CAMTA1: variants seen among roughly 807,000 people sequenced by gnomAD.
CAMTA1 encodes the protein calmodulin-binding transcription activator 1.
In CAMTA1, 27 loss-of-function variants were observed where a neutral mutation model predicts 170.9. That is an observed-to-expected ratio of 0.16 (90% CI 0.12 to 0.22). CAMTA1 has a LOEUF of 0.22. Ranked by LOEUF, CAMTA1 falls within the 10% of genes least tolerant of loss-of-function variation. CAMTA1 has a pLI of 1.00. For missense variants in CAMTA1, 1,619 were observed against 2,217.2 expected (o/e 0.73, Z 5.42); for synonymous variants, 833 against 891.5 (o/e 0.93, Z 1.17).
chr1:6,791,386 G>T (rs934064369), intron 1 of CAMTA1, among the ~76,000 whole-genome samples: 1 of 152,108 alleles, frequency 6.6e-6, no homozygotes, highest in African/African-American at 2.4e-5. Context: ...CCAGAAGGCC[G>T]CTGGTAATAG....
At position 6,995,453 on chromosome 1, in the gene CAMTA1, G is replaced by A. The variant is rs557965756; in HGVS notation, c.235-95851G>A. On this transcript the variant is annotated intron_variant, in intron 3 of 22. Coordinates refer to ENST00000303635, the MANE Select transcript of CAMTA1 (RefSeq NM_015215.4). ...CCAGTAACTGAGACTACAGACCTGC[G>A]CCACCACGCCCAGCTAATTTTTGTA... 4.4e-4 allele frequency among the ~76,000 whole-genome samples: 66 copies of A among 151,608 alleles called. No homozygotes were observed. In the South Asian group the frequency reaches 0.012, roughly 28 times the overall value.
Position 7,594,815 on chromosome 1 carries a change from G to A in CAMTA1, c.511-45585G>A, listed in dbSNP as rs372030482. Among the ~76,000 whole-genome samples, 12 of 152,356 alleles carry A rather than the reference G, an allele frequency of 7.9e-5. No individual in the cohort carries two copies. In the South Asian group the frequency reaches 2.5e-3, roughly 32 times the overall value. ...GAAGGTTCTTGTCCTCAGAAAGGGAGGCCCAGCGGGGAACAGGCGGGATGA... is the reference window on the plus strand; with the variant it reads ...GAAGGTTCTTGTCCTCAGAAAGGGAAGCCCAGCGGGGAACAGGCGGGATGA... On this transcript the variant is annotated intron_variant, in intron 6 of 22. Coordinates refer to ENST00000303635, the MANE Select transcript of CAMTA1 (RefSeq NM_015215.4).
intron 6 of CAMTA1, among the ~76,000 whole-genome samples, chr1:7,610,685 G>T (rs1485119257): frequency 1.3e-5 from 2 of 152,226 alleles, no homozygotes; most frequent in African/African-American, 4.8e-5. Flanking sequence ...AAGACCAGAA[G>T]TGGCCTCTGC....
chr1:7,466,178 C>T (rs567544064), intron 5 of CAMTA1, among the ~76,000 whole-genome samples: 4 of 152,300 alleles, frequency 2.6e-5, no homozygotes, highest in Non-Finnish European at 5.9e-5. Flanking sequence ...GCGTCTCCTT[C>T]GGCAAGGAGT....
chr1:7,496,425 C>T (rs535563901), intron 6 of CAMTA1, among the ~76,000 whole-genome samples: 353 of 152,210 alleles, frequency 2.3e-3, no homozygotes, highest in African/African-American at 8.2e-3. Flanking sequence ...GGGCAAGTCC[C>T]GTGTGCACTG....
At chr1:7,436,328 T>C (rs938548411) in intron 5 of CAMTA1, among the ~76,000 whole-genome samples, 1 of 152,132 alleles carries the variant, frequency 6.6e-6, no homozygotes, top group Non-Finnish European at 1.5e-5. Context: ...CATGGGATTG[T>C]TCAGGATTGT....
At chr1:7,631,144 G>A (rs1220677699) in intron 6 of CAMTA1, among the ~76,000 whole-genome samples, 2 of 152,106 alleles carry the variant, frequency 1.3e-5, no homozygotes, top group Non-Finnish European at 2.9e-5. Flanking sequence ...CTGCAGCCTC[G>A]GTCCTGCCCT....
At chr1:7,597,904 G>A (rs915471799) in intron 6 of CAMTA1, among the ~76,000 whole-genome samples, 1 of 150,944 alleles carries the variant, frequency 6.6e-6, no homozygotes, top group Non-Finnish European at 1.5e-5. Flanking sequence ...CATATGCCGT[G>A]GTGGTTTGCT....
At chr1:7,316,987 C>T (rs576684265) in intron 5 of CAMTA1, among the ~76,000 whole-genome samples, 6 of 152,306 alleles carry the variant, frequency 3.9e-5, no homozygotes, top group East Asian at 1.9e-4. Context: ...AAGCAAATTC[C>T]GTCCTGTCTG....
intron 11 of CAMTA1, among the ~76,000 whole-genome samples, chr1:7,728,225 G>C (rs147865741): frequency 6.6e-6 from 1 of 152,340 alleles, no homozygotes; most frequent in Non-Finnish European, 1.5e-5. Context: ...GGGTGACGCC[G>C]TGGGCAGGGC....
Position 7,766,885 on chromosome 1 carries a change from A to G in CAMTA1, c.*394A>G, listed in dbSNP as rs2097027803. 6.0e-6 allele frequency: 1 copy of G among 166,822 alleles called. No homozygotes were observed. The allele number at this position is 166,822 out of a possible 1,614,324, so 10.3% of individuals were successfully genotyped here. On this transcript the variant is annotated 3_prime_UTR_variant, in exon 23 of 23. Transcript: ENST00000303635. ...GTACAAATATTTATACCAAAAATAT[A>G]GATAAGAAAAGGTGGGGCTATACTA...
At chr1:6,789,804 C>CTTTTTTTTT (rs34542033) in intron 1 of CAMTA1, among the ~76,000 whole-genome samples, 2 of 85,658 alleles carry the variant, frequency 2.3e-5, no homozygotes, top group Non-Finnish European at 4.3e-5. Flanking sequence ...TTTAGTGTAT[C>CTTTTTTTTT]TTTTTTTTTT....
chr1:7,109,603 C>T (rs1016112712), intron 4 of CAMTA1, among the ~76,000 whole-genome samples: 2 of 152,194 alleles, frequency 1.3e-5, no homozygotes, highest in African/African-American at 4.8e-5. Flanking sequence ...AGACACGACT[C>T]ATTGATCAGA....
intron 6 of CAMTA1, among the ~76,000 whole-genome samples, chr1:7,604,726 G>T (rs529110895): frequency 1.3e-5 from 2 of 152,328 alleles, no homozygotes; most frequent in East Asian, 1.9e-4. Context: ...CTGGTGAGGA[G>T]CTGGTTTCCT....
chr1:7,375,035 C>A (rs1051509866), intron 5 of CAMTA1, among the ~76,000 whole-genome samples: 11 of 152,176 alleles, frequency 7.2e-5, no homozygotes, highest in Admixed American at 7.2e-4. Context: ...CGATAACCAG[C>A]AGATAGCCAC....
chr1:6,981,204 G>T (rs925907417), intron 3 of CAMTA1, among the ~76,000 whole-genome samples: 1 of 152,122 alleles, frequency 6.6e-6, no homozygotes, highest in Admixed American at 6.5e-5. Context: ...CCAAGTTGAA[G>T]AAAAAGACAT....
intron 6 of CAMTA1, among the ~76,000 whole-genome samples, chr1:7,475,316 G>A (rs957245817): frequency 1.3e-5 from 2 of 152,110 alleles, no homozygotes; most frequent in African/African-American, 4.8e-5. Flanking sequence ...AGGGCTCCAC[G>A]GCTCCCACCA....
chr1:7,271,224 C>A (rs1486358945), intron 5 of CAMTA1, among the ~76,000 whole-genome samples: 1 of 152,090 alleles, frequency 6.6e-6, no homozygotes, highest in Non-Finnish European at 1.5e-5. Context: ...TCTGTGAGCA[C>A]AGACCGAGGA....
intron 6 of CAMTA1, among the ~76,000 whole-genome samples, chr1:7,499,832 ATG>A (rs1491510387): frequency 4.3e-5 from 5 of 117,412 alleles, no homozygotes; most frequent in African/African-American, 1.0e-4. Context: ...ATGCATATGT[ATG>A]TGTGTGTGCA....
Sources: allele counts gnomAD v4.1 joint callset (sites outside exome capture counted in the v4.1 genomes callset), GRCh38; gene constraint gnomAD v4.1.1; transcripts MANE v1.5; gene names NCBI Gene and HGNC (gene_info 2026-07-23, HGNC 2026-07-21).